Variants in NRL observed in about 807,000 individuals in gnomAD.
The protein encoded by NRL is neural retina-specific leucine zipper protein.
A neutral mutation model predicts 12.5 loss-of-function variants in NRL; 16 were observed. That is an observed-to-expected ratio of 1.28 (90% CI 0.87 to 1.95). NRL has a LOEUF of 1.95. Among genes scored for constraint, NRL ranks in the 30% most tolerant of loss-of-function variants. The pLI is 0.00. For missense variants in NRL, 314 were observed against 325.8 expected (o/e 0.96, Z 0.28); for synonymous variants, 142 against 150.9 (o/e 0.94, Z 0.43).
At chr14:24,099,005 T>C (rs949052488) in intron 1 of NRL, 3 of 1,495,934 alleles carry the variant, frequency 2.0e-6, no homozygotes, top group Non-Finnish European at 2.8e-6. Context: ...ACACCCCAGT[T>C]CCTGATGCTG....
At chr14:24,108,791 C>T (rs895464561) in intron 1 of NRL, among the ~76,000 whole-genome samples, 4 of 152,156 alleles carry the variant, frequency 2.6e-5, no homozygotes, top group African/African-American at 9.7e-5. Flanking sequence ...ATTATTAGCA[C>T]ACTCTCCATT....
Position 24,079,380 on chromosome 14 carries a change from C to T in NRL, c.*1856G>A, listed in dbSNP as rs2036210736. Among the ~76,000 whole-genome samples the T allele has an allele frequency of 6.6e-6, 1 of 152,202 alleles. No homozygotes were observed. Among genetic ancestry groups the T allele is most frequent in the South Asian group, 2.1e-4 (1 of 4,834 alleles). ...CCCGGAAGGACCCTCCCTGCCCCAT[C>T]CTCTCCCTTCAACAATGAGTGTGGA... On this transcript the variant is annotated 3_prime_UTR_variant, in exon 3 of 3. Coordinates refer to ENST00000561028, the MANE Select transcript of NRL (RefSeq NM_001354768.3).
intron 1 of NRL, among the ~76,000 whole-genome samples, chr14:24,083,229 C>CATCTTGAGATGGA (rs2036374676): frequency 6.6e-6 from 1 of 152,230 alleles, no homozygotes; most frequent in South Asian, 2.1e-4. Context: ...GGCATCATTC[C>CATCTTGAGATGGA]ATTTCCAAGC....
intron 1 of NRL, among the ~76,000 whole-genome samples, chr14:24,088,238 C>T (rs1020833222): frequency 1.3e-5 from 2 of 152,250 alleles, no homozygotes; most frequent in Non-Finnish European, 2.9e-5. Context: ...AGGCCCAAGC[C>T]CACTCCTAGG....
At chr14:24,097,082 C>G (rs761048577) in intron 1 of NRL, 18 of 1,613,608 alleles carry the variant, frequency 1.1e-5, no homozygotes, top group Non-Finnish European at 1.4e-5. Context: ...TACTGCCACA[C>G]TGACCCTGCT....
chr14:24,103,703 G>A (rs1444507984), intron 1 of NRL: 1 of 1,614,192 alleles, frequency 6.2e-7, no homozygotes, highest in South Asian at 1.1e-5. Flanking sequence ...ATGCTCGGGT[G>A]CTAGACTGGA....
intron 1 of NRL, chr14:24,099,304 C>A: frequency 7.0e-7 from 1 of 1,438,328 alleles, no homozygotes; most frequent in Non-Finnish European, 9.4e-7. Flanking sequence ...GCCAGTCTGC[C>A]TCAGCCTCAC....
At chr14:24,103,548 T>C (rs2037254300) in intron 1 of NRL, 2 of 1,566,390 alleles carry the variant, frequency 1.3e-6, no homozygotes, top group Non-Finnish European at 1.7e-6. Flanking sequence ...CATGCGGCCC[T>C]TTTTTGGCTA....
intron 1 of NRL, among the ~76,000 whole-genome samples, chr14:24,109,461 C>A (rs1261899385): frequency 6.6e-6 from 1 of 152,040 alleles, no homozygotes; most frequent in Non-Finnish European, 1.5e-5. Context: ...TTTGGGAGGC[C>A]TAGGTGGTCA....
chr14:24,091,175 G>T (rs1317689936), intron 1 of NRL, among the ~76,000 whole-genome samples: 1 of 150,672 alleles, frequency 6.6e-6, no homozygotes, highest in South Asian at 2.1e-4. Flanking sequence ...GTTAGAGACA[G>T]AGTCTCACTG....
chr14:24,086,609 T>G (rs2036473674), intron 1 of NRL, among the ~76,000 whole-genome samples: 1 of 152,192 alleles, frequency 6.6e-6, no homozygotes, highest in Non-Finnish European at 1.5e-5. Flanking sequence ...GGAAAGAGAC[T>G]CTACAATTTC....
chr14:24,088,945 C>T (rs1356385911), intron 1 of NRL, among the ~76,000 whole-genome samples: 2 of 151,832 alleles, frequency 1.3e-5, no homozygotes, highest in Non-Finnish European at 2.9e-5. Flanking sequence ...GAACTACAGG[C>T]ACCCGCCACC....
In NRL at chr14:24,092,373, G is replaced by A. The variant is rs541702429; in HGVS notation, c.-27-9498C>T. Among the ~76,000 whole-genome samples the A allele has an allele frequency of 2.0e-5, 3 of 152,358 alleles. No individual in the cohort carries two copies. In the South Asian group the frequency reaches 6.2e-4, roughly 32 times the overall value. ...AAGGTCCTGGCATCTGATTAGCTAT[G>A]CAGGATAAGAATAGTCTAGACTGAT... On this transcript the variant is annotated intron_variant, in intron 1 of 2. Coordinates refer to ENST00000561028, the MANE Select transcript of NRL (RefSeq NM_001354768.3).
chr14:24,094,156 G>A lies in NRL; in HGVS notation c.-27-11281C>T. On this transcript the variant is annotated intron_variant, in intron 1 of 2. Coordinates refer to ENST00000561028, the MANE Select transcript of NRL (RefSeq NM_001354768.3). The surrounding 1 kb of genome is among the most constrained non-coding windows in gnomAD (Gnocchi z 4.1). The stretch of plus-strand genomic sequence containing the variant: ...TGGGTTTGGCGGTTTGGAGGCAGGG[G>A]TTGGGGCGGCGGCTGGGCTGACCTG... 1 of 547,666 alleles carries A rather than the reference G, an allele frequency of 1.8e-6. No individual in the cohort carries two copies. The highest frequency in any genetic ancestry group is 3.2e-6 in the Non-Finnish European group (1 of 313,680). 33.9% of individuals were successfully genotyped at this position (547,666 alleles called of 1,614,324 possible). A position where few individuals can be genotyped will look rare whatever the true frequency, so the allele number is the denominator to read the frequency against.
At chr14:24,098,774 C>G (rs1460963308) in intron 1 of NRL, 1 of 1,051,928 alleles carries the variant, frequency 9.5e-7, no homozygotes, top group African/African-American at 1.6e-5. Flanking sequence ...AAGAACCTGT[C>G]CTCTCTGGCA....
chr14:24,102,973 C>A, intron 1 of NRL: 2 of 1,406,360 alleles, frequency 1.4e-6, no homozygotes, highest in Non-Finnish European at 2.0e-6. Flanking sequence ...GATCCAGAGC[C>A]TCAGCCTGGA....
At chr14:24,097,267 C>G (rs1239358233) in intron 1 of NRL, 1 of 852,562 alleles carries the variant, frequency 1.2e-6, no homozygotes, top group Non-Finnish European at 1.8e-6. Flanking sequence ...GTAAACAGAC[C>G]CAGAAACTGG....
chr14:24,104,473 C>CAAA (rs59451696), intron 1 of NRL, among the ~76,000 whole-genome samples: 1 of 119,396 alleles, frequency 8.4e-6, no homozygotes, highest in Non-Finnish European at 1.8e-5. Context: ...ACTAAAAATA[C>CAAA]AAAAAAAAAA....
Position 24,105,645 on chromosome 14 carries a change from G to A in NRL, c.-28+9077C>T, listed in dbSNP as rs539947854. Among the ~76,000 whole-genome samples, 73 of 152,330 alleles carry A rather than the reference G, an allele frequency of 4.8e-4. 2 individuals carry two copies. The highest frequency in any genetic ancestry group is 1.5e-3 in the African/African-American group (61 of 41,564). ...TTAGAAGTCACCTATTCCACCGGGC[G>A]CAGTGGCTCATGCCTATAATCCCAG... On this transcript the variant is annotated intron_variant, in intron 1 of 2. Transcript: ENST00000561028.
Sources: gnomAD v4.1 joint callset for allele counts (sites outside exome capture counted in the v4.1 genomes callset) on GRCh38, gnomAD v4.1.1 for gene constraint, Gnocchi (gnomAD v3.1) non-coding constraint, MANE v1.5 for transcripts, NCBI Gene and HGNC (gene_info 2026-07-23, HGNC 2026-07-21) for gene names.